SLIT3: variants seen among roughly 807,000 people sequenced by gnomAD.
SLIT3 encodes slit homolog 3 protein.
SLIT3 carries 68 observed loss-of-function variants against 184.0 expected under a neutral mutation model. That is an observed-to-expected ratio of 0.37 (90% CI 0.30 to 0.45). The LOEUF (loss-of-function observed/expected upper bound fraction) is 0.45, where lower values mean the gene tolerates loss of function less well. SLIT3 is among the 20% of genes least tolerant of loss of function. The probability of loss-of-function intolerance (pLI) is 1.00; values close to 1 mark genes in which losing one functional copy is unlikely to be tolerated. For missense variants in SLIT3, 1,707 were observed against 2,026.0 expected (o/e 0.84, Z 3.02); for synonymous variants, 831 against 828.6 (o/e 1.00, Z -0.05).
At chr5:169,193,662 T>G in intron 3 of SLIT3, 112 bp from the exon 4 acceptor site, 1 of 817,072 alleles carries the variant, frequency 1.2e-6, no homozygotes, top group Non-Finnish European at 2.2e-6. Context: ...TAAGAGACTC[T>G]CTACGTCTTT....
At chr5:168,697,659 T>A (rs1762101882) in intron 27 of SLIT3, among the ~76,000 whole-genome samples, 1 of 152,188 alleles carries the variant, frequency 6.6e-6, no homozygotes, top group African/African-American at 2.4e-5. Flanking sequence ...AGAATCCTAC[T>A]TAATTGGTCT....
intron 4 of SLIT3, among the ~76,000 whole-genome samples, chr5:169,032,533 G>T (rs988422421): frequency 6.8e-6 from 1 of 145,994 alleles, no homozygotes; most frequent in African/African-American, 2.6e-5. Context: ...CCATATATGT[G>T]TAAATAGTAA....
At chr5:169,165,303 C>T (rs956335376) in intron 4 of SLIT3, among the ~76,000 whole-genome samples, 1 of 152,148 alleles carries the variant, frequency 6.6e-6, no homozygotes, top group Non-Finnish European at 1.5e-5. Flanking sequence ...CTAGGCCAAC[C>T]TAAAAGAGAG....
chr5:169,255,899 T>C (rs1403918163), intron 1 of SLIT3, among the ~76,000 whole-genome samples: 2 of 152,126 alleles, frequency 1.3e-5, no homozygotes, highest in African/African-American at 4.8e-5. Flanking sequence ...AAAAGTTATA[T>C]AGTAAGCTAA....
rs1318021288 is a variant in SLIT3, at chr5:168,749,649, AG to A, written c.1974-15del. On this transcript the variant is annotated splice_polypyrimidine_tract_variant and intron_variant, in intron 18 of 35. Transcript: ENST00000519560. ...GACAGGAGGTTTCTAGGAAGAGAGA[AG>A]GGTGCTTAGCCTCCATCCTTCTACT... 6.2e-7 allele frequency: 1 copy of A among 1,613,858 alleles called. No homozygotes were observed. Among genetic ancestry groups the A allele is most frequent in the Non-Finnish European group, 8.5e-7 (1 of 1,179,930 alleles).
At chr5:168,707,135 G>A (rs1026028557) in intron 26 of SLIT3, 19 of 152,218 alleles carry the variant, frequency 1.2e-4, no homozygotes, top group African/African-American at 4.1e-4. Flanking sequence ...AAAGCCCAGG[G>A]TCTTAATCAC....
chr5:168,946,986 T>C (rs956357892), intron 4 of SLIT3, among the ~76,000 whole-genome samples: 4 of 152,176 alleles, frequency 2.6e-5, no homozygotes, highest in Non-Finnish European at 5.9e-5. Flanking sequence ...GGTGAATGTA[T>C]GGGGGTGTAT....
intron 4 of SLIT3, among the ~76,000 whole-genome samples, chr5:169,156,075 G>A (rs112493552): frequency 2.0e-4 from 31 of 152,204 alleles, no homozygotes; most frequent in Non-Finnish European, 3.7e-4. Flanking sequence ...TCTCAAATGT[G>A]TTTGATCATG....
intron 7 of SLIT3, among the ~76,000 whole-genome samples, chr5:168,822,816 T>C (rs934169751): frequency 5.3e-5 from 8 of 152,194 alleles, no homozygotes; most frequent in African/African-American, 1.9e-4. Context: ...GTGACTCTCC[T>C]GTACTGTCAT....
intron 4 of SLIT3, among the ~76,000 whole-genome samples, chr5:168,902,817 T>G (rs757825931): frequency 1.3e-5 from 2 of 152,122 alleles, no homozygotes; most frequent in Non-Finnish European, 2.9e-5. Flanking sequence ...ATGACATACA[T>G]GAATTTGAGA....
intron 8 of SLIT3, among the ~76,000 whole-genome samples, chr5:168,811,458 C>G (rs1757154634): frequency 1.3e-5 from 2 of 152,184 alleles, no homozygotes; most frequent in Admixed American, 1.3e-4. Flanking sequence ...TTCTTTCTGT[C>G]TGCTCTGCCA....
intron 4 of SLIT3, among the ~76,000 whole-genome samples, chr5:169,154,727 T>C (rs1762241148): frequency 6.6e-6 from 1 of 152,272 alleles, no homozygotes; most frequent in Non-Finnish European, 1.5e-5. Context: ...GCACAATGCT[T>C]GGTACTTTTA....
intron 4 of SLIT3, among the ~76,000 whole-genome samples, chr5:168,929,824 C>T (rs561818776): frequency 7.7e-4 from 117 of 152,350 alleles, no homozygotes; most frequent in African/African-American, 2.7e-3. Context: ...ATATGGGCCA[C>T]GGGGACATGG....
At chr5:168,804,575 C>T (rs543045717) in intron 9 of SLIT3, among the ~76,000 whole-genome samples, 3 of 152,098 alleles carry the variant, frequency 2.0e-5, no homozygotes, top group South Asian at 4.2e-4. Context: ...AATGAATTGT[C>T]AGTATTTGTG....
intron 4 of SLIT3, among the ~76,000 whole-genome samples, chr5:168,956,343 G>A (rs189959549): frequency 6.6e-6 from 1 of 152,192 alleles, no homozygotes; most frequent in African/African-American, 2.4e-5. Context: ...TTCTCCGTAT[G>A]TGAGAAAAGG....
rs56225230 is a variant in SLIT3 at position 169,278,716 on chromosome 5, C to T, written c.197+21797G>A. Among the ~76,000 whole-genome samples the T allele has an allele frequency of 8.9e-4, 136 of 152,180 alleles. 2 individuals carry two copies. Among genetic ancestry groups the T allele is most frequent in the Admixed American group, 2.2e-3 (33 of 15,288 alleles). On this transcript the variant is annotated intron_variant, in intron 1 of 35. Transcript: ENST00000519560. ...CTTCATTATTTTCCAGGTACAGAGC[C>T]AAGGTTTGAGACAAGGAACCCCTCC...
intron 8 of SLIT3, among the ~76,000 whole-genome samples, chr5:168,812,478 G>T (rs1757191443): frequency 6.6e-6 from 1 of 152,042 alleles, no homozygotes; most frequent in African/African-American, 2.4e-5. Context: ...CAATTATTGT[G>T]TGTCAATTCA....
intron 4 of SLIT3, among the ~76,000 whole-genome samples, chr5:169,126,934 G>A (rs777585395): frequency 8.8e-5 from 8 of 91,090 alleles, no homozygotes; most frequent in Non-Finnish European, 2.3e-4. Flanking sequence ...GGAGTCATCA[G>A]GACTTCACGA....
intron 18 of SLIT3, chr5:168,752,419 G>A (rs1266935318): frequency 1.5e-5 from 2 of 131,442 alleles, no homozygotes; most frequent in African/African-American, 6.1e-5. Flanking sequence ...TTTTGACACG[G>A]AATCTTGCTC....
Sources: allele counts gnomAD v4.1 joint callset (sites outside exome capture counted in the v4.1 genomes callset), GRCh38; gene constraint gnomAD v4.1.1; transcripts MANE v1.5; gene names NCBI Gene and HGNC (gene_info 2026-07-23, HGNC 2026-07-21).